BUB1B: variants seen among roughly 807,000 people sequenced by gnomAD.
BUB1B encodes mitotic checkpoint serine/threonine-protein kinase BUB1 beta.
In BUB1B, 86 loss-of-function variants were observed where a neutral mutation model predicts 137.7. The ratio of observed to expected loss-of-function variants is 0.62; its 90% CI spans 0.52 to 0.75. The LOEUF is 0.75. Ranked by LOEUF, BUB1B falls within the 30% of genes least tolerant of loss-of-function variation. The pLI is 0.00. For synonymous variants in BUB1B, 420 were observed against 417.9 expected (o/e 1.00, Z -0.06); for missense variants, 1,130 against 1,236.9 (o/e 0.91, Z 1.30).
chr15:40,173,836 C>T, intron 4 of BUB1B: 1 of 341,422 alleles, frequency 2.9e-6, no homozygotes, highest in Non-Finnish European at 5.6e-6. Flanking sequence ...TGGGTCTGGT[C>T]AAGAGGAGTA....
At chr15:40,167,436 G>A (rs369684898) in intron 2 of BUB1B, among the ~76,000 whole-genome samples, 111 of 132,442 alleles carry the variant, frequency 8.4e-4, no homozygotes, top group African/African-American at 1.5e-3. Context: ...TCCGCCTCCC[G>A]GGTTCAAGTG....
chr15:40,186,685 T>C (rs570413856), intron 8 of BUB1B, among the ~76,000 whole-genome samples: 1 of 151,432 alleles, frequency 6.6e-6, no homozygotes, highest in South Asian at 2.1e-4. Flanking sequence ...GACCTAGTGA[T>C]CCGCCCGCCT....
intron 1 of BUB1B, among the ~76,000 whole-genome samples, chr15:40,162,055 AC>A (rs1331457477): frequency 6.6e-6 from 1 of 152,176 alleles, no homozygotes; most frequent in African/African-American, 2.4e-5. Context: ...TGTGGTCAGT[AC>A]TAAAAAAAAT....
chr15:40,207,881 A>T (rs1015108184), intron 15 of BUB1B, among the ~76,000 whole-genome samples: 3 of 16,854 alleles, frequency 1.8e-4, no homozygotes, highest in South Asian at 1.1e-3. Context: ...TAATAAAAAT[A>T]AAAAAAAAAA....
chr15:40,184,028 T>TA, intron 6 of BUB1B, 145 bp downstream of exon 6: 2 of 828,596 alleles, frequency 2.4e-6, no homozygotes, highest in Non-Finnish European at 3.9e-6. Flanking sequence ...GGAGAGCTAA[T>TA]ATTACAGTGT....
Position 40,209,758 on chromosome 15 carries a change from A to G in BUB1B, c.2267A>G (p.Glu756Gly), listed in dbSNP as rs750166019. ...AGACCAATGCCTAAGTTGGAAATTGAGAAGGAAATTGAATTAGGTAAGTAC... is the reference window on the plus strand; with the variant it reads ...AGACCAATGCCTAAGTTGGAAATTGGGAAGGAAATTGAATTAGGTAAGTAC... ...EDRPMPKLEI[E>G]KEIELGNEDY... The change falls in exon 17 of 23, where the codon GAG (glutamate) becomes GGG (glycine). Residue 756 changes from glutamate to glycine, a missense_variant. Glu to Gly is a moderately conservative substitution (Grantham distance 98). Coordinates refer to ENST00000287598, the MANE Select transcript of BUB1B (RefSeq NM_001211.6). 3 of 1,614,162 alleles carry G rather than the reference A, an allele frequency of 1.9e-6. No individual in the cohort carries two copies. The highest frequency in any genetic ancestry group is 2.5e-6 in the Non-Finnish European group (3 of 1,180,020).
intron 5 of BUB1B, among the ~76,000 whole-genome samples, chr15:40,181,205 C>T (rs1216606897): frequency 3.9e-5 from 6 of 151,992 alleles, no homozygotes; most frequent in African/African-American, 2.4e-5. Flanking sequence ...GATCCTCCTG[C>T]CTCAGCCTCC....
rs530395683 is a variant in BUB1B, at chr15:40,175,671, G to A, written c.385-806G>A. On this transcript the variant is annotated intron_variant, in intron 4 of 22. Coordinates refer to ENST00000287598, the MANE Select transcript of BUB1B (RefSeq NM_001211.6). ...AATGTCCCTTCTAAAACACAGATTTGACTATGTCATTCCTTTGCTTATCGC... is the reference window on the plus strand; with the variant it reads ...AATGTCCCTTCTAAAACACAGATTTAACTATGTCATTCCTTTGCTTATCGC... Among the ~76,000 whole-genome samples, 41 of 152,166 alleles carry A rather than the reference G, an allele frequency of 2.7e-4. No homozygotes were observed. The South Asian group carries it at 7.7e-3, about 29-fold the overall frequency.
intron 2 of BUB1B, 59 bp downstream of exon 2, chr15:40,165,255 G>A (rs752699565): frequency 1.8e-4 from 296 of 1,610,038 alleles, no homozygotes; most frequent in Non-Finnish European, 2.2e-4. Context: ...TGTAGATAAC[G>A]TGGGTGTGGA....
At chr15:40,193,105 C>T in intron 8 of BUB1B, among the ~76,000 whole-genome samples, 1 of 152,148 alleles carries the variant, frequency 6.6e-6, no homozygotes, top group East Asian at 1.9e-4. Flanking sequence ...CTGCGTCAGC[C>T]TCCCAGAGCA....
chr15:40,187,368 C>T (rs900173578), intron 8 of BUB1B, among the ~76,000 whole-genome samples: 72 of 152,072 alleles, frequency 4.7e-4, no homozygotes, highest in African/African-American at 5.1e-4. Context: ...CCTCATGATC[C>T]GCCCACCTCA....
Position 40,208,700 on chromosome 15 carries a change from G to A in BUB1B, c.2073G>A (p.Ser691=), listed in dbSNP as rs765906277. The change falls in exon 16 of 23, where the codon TCG becomes TCA. Residue 691 remains serine (S), a synonymous_variant. Transcript: ENST00000287598. ...HSSGFSGSSA[S]VASTSSIKCL... The stretch of plus-strand genomic sequence containing the variant: ...CTGGCTTCTCTGGTTCTTCTGCCTC[G>A]GTTGCAAGCACCTCCTCCATCAAAT... The A allele has an allele frequency of 6.8e-6, 11 of 1,613,690 alleles. No homozygotes were observed. Among genetic ancestry groups the A allele is most frequent in the East Asian group, 2.2e-5 (1 of 44,884 alleles).
chr15:40,189,065 C>A (rs1432027926), intron 8 of BUB1B, among the ~76,000 whole-genome samples: 1 of 152,066 alleles, frequency 6.6e-6, no homozygotes, highest in Non-Finnish European at 1.5e-5. Flanking sequence ...CAATCCCCAC[C>A]CTAGCAACCA....
chr15:40,181,975 G>C (rs138543509), intron 5 of BUB1B, among the ~76,000 whole-genome samples: 2 of 152,198 alleles, frequency 1.3e-5, no homozygotes, highest in East Asian at 1.9e-4. Context: ...AGGCCAAGGC[G>C]GGGGAATCAC....
intron 18 of BUB1B, among the ~76,000 whole-genome samples, chr15:40,211,047 AT>A (rs1333883282): frequency 6.6e-6 from 1 of 152,078 alleles, no homozygotes; most frequent in African/African-American, 2.4e-5. Flanking sequence ...CTGTTCTCTT[AT>A]TCTCTAATTC....
At position 40,169,962 on chromosome 15, in the gene BUB1B, C is replaced by T. The variant is rs1356043557; in HGVS notation, c.180-100C>T. On this transcript the variant is annotated intron_variant, in intron 2 of 22. Transcript: ENST00000287598. ...TAAACTCTAGTGCAATAATTTAGAT[C>T]AATATTACCTACTTATTACATGAAT... The T allele has an allele frequency of 4.0e-6, 4 of 1,000,842 alleles. No homozygotes were observed. The East Asian group carries it at 7.2e-5, about 18-fold the overall frequency. The allele number at this position is 1,000,842 out of a possible 1,614,324, so 62.0% of individuals were successfully genotyped here. A position where few individuals can be genotyped will look rare whatever the true frequency, so the allele number is the denominator to read the frequency against.
At chr15:40,167,261 G>T (rs1017884202) in intron 2 of BUB1B, among the ~76,000 whole-genome samples, 1 of 135,268 alleles carries the variant, frequency 7.4e-6, no homozygotes, top group African/African-American at 2.8e-5. Flanking sequence ...AGCATTTTTT[G>T]TGTCCTCTTC....
chr15:40,209,495 T>G, intron 16 of BUB1B, 140 bp from the exon 17 acceptor site: 2 of 985,074 alleles, frequency 2.0e-6, no homozygotes, highest in Non-Finnish European at 3.2e-6. Flanking sequence ...CATAAACACC[T>G]GAGACAGGTG....
In BUB1B at chr15:40,196,608, A is replaced by C; in HGVS notation, c.1122A>C (p.Glu374Asp). The change falls in exon 9 of 23, where the codon GAA (glutamate) becomes GAC (aspartate). Residue 374 changes from glutamate to aspartate, a missense_variant. By Grantham distance (45) the Glu-to-Asp change is conservative (BLOSUM62 2). Coordinates refer to ENST00000287598, the MANE Select transcript of BUB1B (RefSeq NM_001211.6). ...TAAGCACCAGAAAGCCTGGAAAGGA[A>C]GAAGGAGATCCTCTACAAAGGGTTC... ...HILSTRKPGK[E>D]EGDPLQRVQS... 1.2e-6 allele frequency: 2 copies of C among 1,614,060 alleles called. No homozygotes were observed. Among genetic ancestry groups the C allele is most frequent in the Non-Finnish European group, 1.7e-6 (2 of 1,179,916 alleles).
Sources: gnomAD v4.1 joint callset for allele counts (sites outside exome capture counted in the v4.1 genomes callset) on GRCh38, gnomAD v4.1.1 for gene constraint, MANE v1.5 for transcripts, NCBI Gene and HGNC (gene_info 2026-07-23, HGNC 2026-07-21) for gene names.